Variants in IPCEF1 observed in about 807,000 individuals in gnomAD.
The protein encoded by IPCEF1 is interaction protein for cytohesin exchange factors 1.
A neutral mutation model predicts 50.9 loss-of-function variants in IPCEF1; 31 were observed. The observed-to-expected ratio is 0.61, with a 90% CI of 0.46 to 0.82. The LOEUF is 0.82. Among genes scored for constraint, IPCEF1 ranks in the 40% least tolerant of loss-of-function variants. IPCEF1 has a pLI of 0.00. For missense variants in IPCEF1, 458 were observed against 514.0 expected (o/e 0.89, Z 1.05); for synonymous variants, 181 against 192.0 (o/e 0.94, Z 0.47).
intron 11 of IPCEF1, among the ~76,000 whole-genome samples, chr6:154,161,745 T>A (rs1799037590): frequency 1.3e-5 from 2 of 152,308 alleles, no homozygotes; most frequent in South Asian, 4.1e-4. Flanking sequence ...CATCCCTGTA[T>A]TCCCTGCACC....
At chr6:154,231,578 C>A (rs1375364772) in intron 5 of IPCEF1, among the ~76,000 whole-genome samples, 1 of 152,204 alleles carries the variant, frequency 6.6e-6, no homozygotes, top group Non-Finnish European at 1.5e-5. Flanking sequence ...AGAGCAATCT[C>A]TAGGACATAG....
intron 5 of IPCEF1, among the ~76,000 whole-genome samples, chr6:154,242,823 G>A (rs1486363751): frequency 1.3e-5 from 2 of 152,130 alleles, no homozygotes; most frequent in African/African-American, 2.4e-5. Context: ...GGGAGGCAGA[G>A]GTTGCAGTGA....
At chr6:154,304,061 TA>T (rs1158356482) in intron 1 of IPCEF1, among the ~76,000 whole-genome samples, 1 of 145,688 alleles carries the variant, frequency 6.9e-6, no homozygotes, top group Non-Finnish European at 1.5e-5. Context: ...CCCACTTTTG[TA>T]AAAAAATTAA....
chr6:154,216,650 A>G (rs1778418975), intron 7 of IPCEF1, among the ~76,000 whole-genome samples: 1 of 152,200 alleles, frequency 6.6e-6, no homozygotes, highest in Admixed American at 6.5e-5. Flanking sequence ...CAGGTGGATC[A>G]TGAGGTCAGG....
intron 10 of IPCEF1, among the ~76,000 whole-genome samples, chr6:154,169,618 G>GT (rs1174188060): frequency 6.6e-6 from 1 of 152,176 alleles, no homozygotes; most frequent in Non-Finnish European, 1.5e-5. Context: ...GTGGTCTGTG[G>GT]TTTTGAGTAG....
At chr6:154,213,547 C>T (rs1392914034) in intron 8 of IPCEF1, among the ~76,000 whole-genome samples, 1 of 152,156 alleles carries the variant, frequency 6.6e-6, no homozygotes, top group Admixed American at 6.5e-5. Context: ...TTCTAACTAA[C>T]TCTAAGATTT....
intron 2 of IPCEF1, among the ~76,000 whole-genome samples, chr6:154,288,667 CAAA>C (rs552235190): frequency 2.6e-4 from 29 of 112,648 alleles, no homozygotes; most frequent in East Asian, 1.4e-3. Context: ...GTCTAAAAAA[CAAA>C]AAAAACAAAA....
At chr6:154,308,843 G>C (rs1016087546) in intron 1 of IPCEF1, among the ~76,000 whole-genome samples, 1 of 152,152 alleles carries the variant, frequency 6.6e-6, no homozygotes, top group Non-Finnish European at 1.5e-5. Context: ...TGTTCTCTTT[G>C]TTGTCAATTT....
intron 1 of IPCEF1, among the ~76,000 whole-genome samples, chr6:154,343,092 G>C (rs552344260): frequency 6.6e-6 from 1 of 152,078 alleles, no homozygotes; most frequent in Non-Finnish European, 1.5e-5. Flanking sequence ...CTCCAGCCTC[G>C]GCAAAAGAGC....
At chr6:154,268,164 A>G (rs1781806183) in intron 2 of IPCEF1, among the ~76,000 whole-genome samples, 1 of 152,332 alleles carries the variant, frequency 6.6e-6, no homozygotes, top group Non-Finnish European at 1.5e-5. Context: ...CTTTGCTCCC[A>G]TCAGAGCAGG....
intron 3 of IPCEF1, among the ~76,000 whole-genome samples, chr6:154,264,422 G>T (rs13210731): frequency 0.085 from 12,942 of 152,032 alleles, 698 homozygotes; most frequent in African/African-American, 0.14. Context: ...TGCCCAGGCT[G>T]CAGTGCAGTG....
intron 1 of IPCEF1, among the ~76,000 whole-genome samples, chr6:154,334,200 C>T (rs1783740489): frequency 1.3e-5 from 2 of 152,126 alleles, no homozygotes; most frequent in Non-Finnish European, 2.9e-5. Flanking sequence ...GTTAGTAACT[C>T]ATAACAATTT....
intron 2 of IPCEF1, among the ~76,000 whole-genome samples, chr6:154,282,700 C>G (rs73789426): frequency 0.17 from 26,449 of 152,010 alleles, 2,570 homozygotes; most frequent in African/African-American, 0.26. Flanking sequence ...AAAAAAAGAA[C>G]TAGCTGGATC....
Position 154,296,603 on chromosome 6 carries a change from G to C in IPCEF1, c.-61-6847C>G, listed in dbSNP as rs548599465. Among the ~76,000 whole-genome samples, 5 of 152,236 alleles carry C rather than the reference G, an allele frequency of 3.3e-5. No homozygotes were observed. The East Asian group carries it at 9.7e-4, about 29-fold the overall frequency. ...CCAGCACTTTGGGAGGCCGAGGAGG[G>C]CAGATCACGAGGTCAGGAGATCAAG... On this transcript the variant is annotated intron_variant, in intron 1 of 11. Transcript: ENST00000367220.
chr6:154,174,274 A>G (rs1048578410), intron 10 of IPCEF1, among the ~76,000 whole-genome samples: 5 of 152,208 alleles, frequency 3.3e-5, no homozygotes, highest in Admixed American at 1.3e-4. Flanking sequence ...TTAATGGGTG[A>G]AAAAACTAGC....
At chr6:154,270,171 AG>A (rs1322391528) in intron 2 of IPCEF1, among the ~76,000 whole-genome samples, 1 of 152,220 alleles carries the variant, frequency 6.6e-6, no homozygotes, top group East Asian at 1.9e-4. Flanking sequence ...CCCTAACGAC[AG>A]GGTAACAAAA....
intron 1 of IPCEF1, among the ~76,000 whole-genome samples, chr6:154,295,175 G>A (rs535456857): frequency 1.1e-4 from 17 of 151,968 alleles, no homozygotes; most frequent in Non-Finnish European, 2.5e-4. Context: ...TCCAGCCTGG[G>A]CGACAGAGTG....
At chr6:154,160,539 A>T (rs1798926282) in intron 11 of IPCEF1, among the ~76,000 whole-genome samples, 1 of 152,178 alleles carries the variant, frequency 6.6e-6, no homozygotes, top group Non-Finnish European at 1.5e-5. Flanking sequence ...GAATAAATAC[A>T]CAGATTATCT....
At chr6:154,246,543 T>C (rs1781061510) in intron 5 of IPCEF1, 48 bp downstream of exon 5, 1 of 1,563,440 alleles carries the variant, frequency 6.4e-7, no homozygotes, top group African/African-American at 1.4e-5. Flanking sequence ...GCCTTTAACG[T>C]ATCCCTCATT....
Sources: allele counts gnomAD v4.1 joint callset (sites outside exome capture counted in the v4.1 genomes callset), GRCh38; gene constraint gnomAD v4.1.1; transcripts MANE v1.5; gene names NCBI Gene and HGNC (gene_info 2026-07-23, HGNC 2026-07-21).